PLXND1: variants seen among roughly 807,000 people sequenced by gnomAD.
PLXND1 encodes plexin D1.
In PLXND1, 54 loss-of-function variants were observed where a neutral mutation model predicts 197.7. The observed-to-expected ratio is 0.27, with a 90% CI of 0.22 to 0.34. The LOEUF (loss-of-function observed/expected upper bound fraction) is 0.34. Ranked by LOEUF, PLXND1 falls within the 10% of genes least tolerant of loss-of-function variation. The pLI is 1.00. For synonymous variants in PLXND1, 1,180 were observed against 1,161.2 expected (o/e 1.02, Z -0.33); for missense variants, 2,127 against 2,699.2 (o/e 0.79, Z 4.70).
intron 1 of PLXND1, among the ~76,000 whole-genome samples, chr3:129,604,280 C>T (rs2085752332): frequency 6.6e-6 from 1 of 152,168 alleles, no homozygotes; most frequent in Non-Finnish European, 1.5e-5. Context: ...CATCTGCCCA[C>T]CCCAGCTGCC....
Position 129,558,506 on chromosome 3 carries a change from G to C in PLXND1, c.5367C>G (p.Asp1789Glu). The C allele has an allele frequency of 6.2e-7, 1 of 1,614,052 alleles. No homozygotes were observed. The highest frequency in any genetic ancestry group is 8.5e-7 in the Non-Finnish European group (1 of 1,179,990). Residue 1789 changes from aspartate to glutamate, a missense_variant, in exon 33 of 36, where the codon GAC (aspartate) becomes GAG (glutamate). Transcript: ENST00000324093. The surrounding 1 kb of genome is among the most constrained non-coding windows in gnomAD (Gnocchi z 4.1). ...TGACTGAAAGGCAGGCGTCGATGTG[G>C]TCTGTCTTGTCGATGTCAAAGACAA... Reference protein sequence around the residue: ...PQFVFDIDKTDHIDACLSVIA... With the variant: ...PQFVFDIDKTEHIDACLSVIA...
At chr3:129,586,445 G>C (rs929106735) in intron 3 of PLXND1, 143 bp downstream of exon 3, 15 of 1,128,520 alleles carry the variant, frequency 1.3e-5, no homozygotes, top group Non-Finnish European at 1.9e-5. Context: ...GGTGTTGGGA[G>C]GCGCAGGACA....
At position 129,557,981 on chromosome 3, in the gene PLXND1, A is replaced by T. The variant is rs1002482109; in HGVS notation, c.5445+447T>A. Among the ~76,000 whole-genome samples, 3 of 152,182 alleles carry T rather than the reference A, an allele frequency of 2.0e-5. No homozygotes were observed. Among genetic ancestry groups the T allele is most frequent in the Non-Finnish European group, 4.4e-5 (3 of 68,020 alleles). ...TGTGTGCCCCCAACACACCGCATGA[A>T]TCTCAGAGCTCCTAGCCACCCATCA... On this transcript the variant is annotated intron_variant, in intron 33 of 35. Transcript: ENST00000324093. This position sits in a 1 kb window ranked among gnomAD's most constrained non-coding sequence, Gnocchi z 4.8.
At position 129,556,246 on chromosome 3, in the gene PLXND1, G is replaced by C. The variant is rs2084971269; in HGVS notation, c.*66C>G. 9.5e-7 allele frequency: 1 copy of C among 1,053,576 alleles called. No individual in the cohort carries two copies. The highest frequency in any genetic ancestry group is 1.6e-5 in the African/African-American group (1 of 64,480). The allele number at this position is 1,053,576 out of a possible 1,614,324, so 65.3% of individuals were successfully genotyped here. ...TCTGAGTCACAGGCACGGGGTAGAA[G>C]ATCAAGTTGAGGCCCAGTGGGCGTC... On this transcript the variant is annotated 3_prime_UTR_variant, in exon 36 of 36. Coordinates refer to ENST00000324093, the MANE Select transcript of PLXND1 (RefSeq NM_015103.3).
rs1448560847 is a variant in PLXND1, at chr3:129,572,958, T to C, written c.2838-17A>G. The C allele has an allele frequency of 1.3e-6, 2 of 1,597,638 alleles. No homozygotes were observed. The highest frequency in any genetic ancestry group is 1.7e-6 in the Non-Finnish European group (2 of 1,166,430). On this transcript the variant is annotated splice_polypyrimidine_tract_variant and intron_variant, in intron 13 of 35. Transcript: ENST00000324093. ...CACACGATCCTGAGGGGAGGTGCTG[T>C]GGTCAGCCAGCGGTCCTTGGCCCCC... is the stretch of plus-strand genomic sequence containing the variant.
Position 129,566,546 on chromosome 3 carries a change from G to C in PLXND1, c.4172C>G (p.Pro1391Arg). The C allele has an allele frequency of 1.2e-6, 2 of 1,609,750 alleles. No homozygotes were observed. The highest frequency in any genetic ancestry group is 1.7e-6 in the Non-Finnish European group (2 of 1,176,060). Residue 1391 changes from proline (P) to arginine (R), a missense_variant, in exon 23 of 36, where the codon CCA (proline) becomes CGA (arginine). Physicochemically the swap from Pro to Arg is moderately radical, Grantham distance 103. Around this residue, in one of 6 missense-constraint regions of PLXND1, gnomAD observed 532 missense variants for 811.0 expected, o/e 0.66. Coordinates refer to ENST00000324093, the MANE Select transcript of PLXND1 (RefSeq NM_015103.3). ...ACTCACCTTCCACTCTCCCAGCAGT[G>C]GGTGGGTTTCCTGTGCCTGGGAGCT... ...QGSSQAQETH[P>R]LLGEWKIPES...
At chr3:129,570,380 C>T (rs1028364660) in intron 19 of PLXND1, among the ~76,000 whole-genome samples, 1 of 152,138 alleles carries the variant, frequency 6.6e-6, no homozygotes, top group African/African-American at 2.4e-5. Flanking sequence ...CAGAGCCATC[C>T]TGGGGTGGCA....
chr3:129,555,390 C>T lies in PLXND1; in HGVS notation c.*922G>A, dbSNP rs2084958863. ...GCAGGAACGGAGTGGGTGGTAGTCT[C>T]AGGCGCCAGGGGCGCTCTGCCAGGT... On this transcript the variant is annotated 3_prime_UTR_variant, in exon 36 of 36. Transcript: ENST00000324093. 18 of 627,764 alleles carry T rather than the reference C, an allele frequency of 2.9e-5. No homozygotes were observed. The South Asian group carries it at 3.2e-4, about 11-fold the overall frequency. The allele number at this position is 627,764 out of a possible 1,614,324, so 38.9% of individuals were successfully genotyped here.
intron 20 of PLXND1, chr3:129,569,316 G>C (rs1286557838): frequency 6.6e-6 from 1 of 152,644 alleles, no homozygotes; most frequent in East Asian, 1.9e-4. Flanking sequence ...ATAGCTAGGG[G>C]TGGAATTGCT....
chr3:129,555,597 A>C lies in PLXND1; in HGVS notation c.*715T>G. 1 of 637,048 alleles carries C rather than the reference A, an allele frequency of 1.6e-6. No individual in the cohort carries two copies. The highest frequency in any genetic ancestry group is 1.7e-5 in the South Asian group (1 of 57,616). 39.5% of individuals were successfully genotyped at this position (637,048 alleles called of 1,614,324 possible). A position where few individuals can be genotyped will look rare whatever the true frequency, so the allele number is the denominator to read the frequency against. The stretch of plus-strand genomic sequence containing the variant: ...AGAAACACTTTCAGCAAGATCAAGT[A>C]GCCCAGCTACAGCCTCGGTGCATCT... On this transcript the variant is annotated 3_prime_UTR_variant, in exon 36 of 36. Coordinates refer to ENST00000324093, the MANE Select transcript of PLXND1 (RefSeq NM_015103.3).
In PLXND1 at chr3:129,563,386, G is replaced by A. The variant is rs1014775167; in HGVS notation, c.4522-146C>T. On this transcript the variant is annotated intron_variant, in intron 25 of 35. Coordinates refer to ENST00000324093, the MANE Select transcript of PLXND1 (RefSeq NM_015103.3). ...GTGTCAACACTCTCCTCTCCAGGGTGTCTCCACGGACCCTAAGCTCGTGTT... is the reference window on the plus strand; with the variant it reads ...GTGTCAACACTCTCCTCTCCAGGGTATCTCCACGGACCCTAAGCTCGTGTT... 1.1e-5 allele frequency: 7 copies of A among 643,004 alleles called. No homozygotes were observed. The East Asian group carries it at 1.4e-4, about 13-fold the overall frequency. The allele number at this position is 643,004 out of a possible 1,614,324, so 39.8% of individuals were successfully genotyped here.
In PLXND1 at chr3:129,589,380, G is replaced by A; in HGVS notation, c.1459C>T (p.Leu487=). 1.5e-6 allele frequency: 2 copies of A among 1,377,120 alleles called. No individual in the cohort carries two copies. The highest frequency in any genetic ancestry group is 1.9e-6 in the Non-Finnish European group (2 of 1,034,476). 85.3% of individuals were successfully genotyped at this position (1,377,120 alleles called of 1,614,324 possible). The change falls in exon 2 of 36, where the codon CTG becomes TTG. Residue 487 remains leucine, a synonymous_variant. Coordinates refer to ENST00000324093, the MANE Select transcript of PLXND1 (RefSeq NM_015103.3). ...AGAAGCCTCCCGTTGACCGTGCCCA[G>A]GAAGACCGCTGTGTAGTTGTTGACG... ...ASVNNYTAVF[L]GTVNGRLLKI... is the part of the protein sequence containing the mutation.
chr3:129,589,917 G>A (rs1245516839), intron 1 of PLXND1, among the ~76,000 whole-genome samples: 2 of 152,170 alleles, frequency 1.3e-5, no homozygotes, highest in Non-Finnish European at 2.9e-5. Context: ...CCAGATGACC[G>A]GAGGCCACCG....
rs769541329 is a variant in PLXND1 at position 129,565,896 on chromosome 3, A to G, written c.4313T>C (p.Val1438Ala). 3 of 1,614,060 alleles carry G rather than the reference A, an allele frequency of 1.9e-6. No individual in the cohort carries two copies. Among genetic ancestry groups the G allele is most frequent in the Middle Eastern group, 1.7e-4 (1 of 6,052 alleles). The change falls in exon 24 of 36, where the codon GTG becomes GCG. Residue 1438 changes from valine (V) to alanine (A), a missense_variant. Physicochemically the swap from Val to Ala is moderately conservative, Grantham distance 64. Around this residue, in one of 6 missense-constraint regions of PLXND1, gnomAD observed 532 missense variants for 811.0 expected, o/e 0.66. Coordinates refer to ENST00000324093, the MANE Select transcript of PLXND1 (RefSeq NM_015103.3). ...TCTGTCACAGCCTGACCTGTCGCGC[A>G]CCGCAAAGTCCTTCTGCTGCTCCAG... ...HALEQQKDFA[V>A]RDRCSLASLL...
chr3:129,595,947 A>ACACACACACT (rs879807222), intron 1 of PLXND1, among the ~76,000 whole-genome samples: 4 of 149,206 alleles, frequency 2.7e-5, no homozygotes, highest in Non-Finnish European at 6.0e-5. Context: ...ACACACACAC[A>ACACACACACT]CTCTTGCTGC....
chr3:129,600,215 AC>A (rs1480506916), intron 1 of PLXND1, among the ~76,000 whole-genome samples: 1 of 150,948 alleles, frequency 6.6e-6, no homozygotes, highest in Non-Finnish European at 1.5e-5. Flanking sequence ...CGTCTCACCC[AC>A]CCCTGCCTGC....
At chr3:129,574,872 C>A (rs1174933770) in intron 11 of PLXND1, among the ~76,000 whole-genome samples, 3 of 152,202 alleles carry the variant, frequency 2.0e-5, no homozygotes, top group Admixed American at 2.0e-4. Flanking sequence ...GTCTGATCAA[C>A]CCCGGCGGGG....
intron 1 of PLXND1, among the ~76,000 whole-genome samples, chr3:129,593,562 A>G (rs2085576908): frequency 6.6e-6 from 1 of 152,250 alleles, no homozygotes; most frequent in South Asian, 2.1e-4. Context: ...CACATGCATG[A>G]CGTTCTCCAG....
At chr3:129,595,013 C>T (rs1303161727) in intron 1 of PLXND1, among the ~76,000 whole-genome samples, 1 of 152,192 alleles carries the variant, frequency 6.6e-6, no homozygotes, top group African/African-American at 2.4e-5. Flanking sequence ...CCTCTGTGGC[C>T]TCTCTCAGCC....
Sources: gnomAD v4.1 joint callset for allele counts (sites outside exome capture counted in the v4.1 genomes callset) on GRCh38, gnomAD v4.1.1 for gene constraint, gnomAD v4.1.1 regional missense constraint, Gnocchi (gnomAD v3.1) non-coding constraint, MANE v1.5 for transcripts, NCBI Gene and HGNC (gene_info 2026-07-23, HGNC 2026-07-21) for gene names.